CDH18: variants seen among roughly 807,000 people sequenced by gnomAD.
CDH18 encodes cadherin-18.
Under a neutral mutation model 67.9 loss-of-function variants are expected in CDH18, and 31 were observed. The observed-to-expected ratio is 0.46, with a 90% CI of 0.34 to 0.62. The LOEUF is 0.62. CDH18 is among the 20% of genes least tolerant of loss of function. The pLI, the probability that CDH18 is intolerant of heterozygous loss-of-function variation, is 0.01. For synonymous variants in CDH18, 362 were observed against 347.2 expected, an observed-to-expected ratio of 1.04 and a Z score of -0.48; for missense variants, 890 against 975.5, an observed-to-expected ratio of 0.91 and a Z score of 1.17.
chr5:19,878,978 A>C (rs956839684), intron 2 of CDH18, among the ~76,000 whole-genome samples: 2 of 152,004 alleles, frequency 1.3e-5, no homozygotes, highest in African/African-American at 4.8e-5. Flanking sequence ...CTTATTACTA[A>C]GAATTTTTCA....
At chr5:19,590,013 T>C (rs1355956184) in intron 7 of CDH18, among the ~76,000 whole-genome samples, 1 of 152,136 alleles carries the variant, frequency 6.6e-6, no homozygotes, top group Admixed American at 6.6e-5. Context: ...TAGGAATTTA[T>C]GTGATATTTG....
intron 2 of CDH18, among the ~76,000 whole-genome samples, chr5:20,234,099 G>A (rs1253442372): frequency 6.6e-6 from 1 of 152,132 alleles, no homozygotes; most frequent in Non-Finnish European, 1.5e-5. Flanking sequence ...ATATTTTCAA[G>A]TGAGGCAGTC....
At chr5:20,141,758 C>T (rs1750258075) in intron 2 of CDH18, among the ~76,000 whole-genome samples, 1 of 151,828 alleles carries the variant, frequency 6.6e-6, no homozygotes, top group Admixed American at 6.6e-5. Context: ...AAATAAAAGT[C>T]AGATAACATC....
At chr5:19,601,869 C>T (rs1747190578) in intron 6 of CDH18, among the ~76,000 whole-genome samples, 1 of 151,582 alleles carries the variant, frequency 6.6e-6, no homozygotes, top group Non-Finnish European at 1.5e-5. Context: ...GTCAATTCTA[C>T]AGAAAAAGCA....
At chr5:19,708,287 C>G (rs891583708) in intron 5 of CDH18, among the ~76,000 whole-genome samples, 2 of 152,156 alleles carry the variant, frequency 1.3e-5, no homozygotes, top group African/African-American at 4.8e-5. Flanking sequence ...GCTATTAACC[C>G]ATTTAAATGG....
chr5:19,732,507 AAAAT>A lies in CDH18; in HGVS notation c.524-11045_524-11042del, dbSNP rs760055125. ...TGACAGAGTGAGACCTTGTCTCAAAAAAATAAATAAATAAATAAAATAAATTGTG... is the reference window on the plus strand; with the variant it reads ...TGACAGAGTGAGACCTTGTCTCAAAAAAATAAATAAATAAAATAAATTGTG... On this transcript the variant is annotated intron_variant, in intron 4 of 12. Transcript: ENST00000382275. 1.8e-4 allele frequency among the ~76,000 whole-genome samples: 27 copies of A among 152,278 alleles called. 1 individual carries two copies. The highest frequency in any genetic ancestry group is 4.6e-4 in the Admixed American group (7 of 15,282).
chr5:20,318,790 G>A (rs1228787585), intron 1 of CDH18, among the ~76,000 whole-genome samples: 1 of 151,952 alleles, frequency 6.6e-6, no homozygotes, highest in East Asian at 1.9e-4. Flanking sequence ...TAAGTTCTAG[G>A]GTACATATGC....
chr5:19,564,231 TGA>T (rs1739968586), intron 8 of CDH18, among the ~76,000 whole-genome samples: 1 of 152,120 alleles, frequency 6.6e-6, no homozygotes, highest in Non-Finnish European at 1.5e-5. Flanking sequence ...GGTGACATAG[TGA>T]GAAGCCAGCT....
At chr5:20,335,251 TC>T (rs1286616109) in intron 1 of CDH18, among the ~76,000 whole-genome samples, 1 of 152,070 alleles carries the variant, frequency 6.6e-6, no homozygotes, top group Non-Finnish European at 1.5e-5. Context: ...AAGTCTCTAT[TC>T]CCCCAGGACT....
At chr5:19,999,616 A>T (rs1161101397) in intron 2 of CDH18, among the ~76,000 whole-genome samples, 1 of 152,122 alleles carries the variant, frequency 6.6e-6, no homozygotes, top group Non-Finnish European at 1.5e-5. Context: ...AATAATAATA[A>T]TATTAGTAAT....
chr5:19,994,203 A>G (rs1317580934), intron 2 of CDH18, among the ~76,000 whole-genome samples: 1 of 152,028 alleles, frequency 6.6e-6, no homozygotes, highest in Non-Finnish European at 1.5e-5. Context: ...TGGGGTGTAT[A>G]TCTATATGTG....
At chr5:20,296,771 A>G (rs1386767292) in intron 1 of CDH18, among the ~76,000 whole-genome samples, 1 of 151,832 alleles carries the variant, frequency 6.6e-6, no homozygotes, top group Non-Finnish European at 1.5e-5. Context: ...TTTGAACCTG[A>G]TATATAATTC....
intron 2 of CDH18, among the ~76,000 whole-genome samples, chr5:20,153,417 C>T (rs1448803097): frequency 6.6e-6 from 1 of 152,104 alleles, no homozygotes; most frequent in African/African-American, 2.4e-5. Flanking sequence ...ACTTTCGTTT[C>T]ACAATCACTT....
intron 11 of CDH18, among the ~76,000 whole-genome samples, chr5:19,495,110 G>A (rs1358964579): frequency 6.6e-6 from 1 of 152,164 alleles, no homozygotes; most frequent in Non-Finnish European, 1.5e-5. Context: ...GAGAAACAGG[G>A]AATATTGGTT....
intron 1 of CDH18, among the ~76,000 whole-genome samples, chr5:20,280,457 T>C (rs1443258056): frequency 6.6e-6 from 1 of 152,076 alleles, no homozygotes; most frequent in Non-Finnish European, 1.5e-5. Flanking sequence ...GAACATGCGG[T>C]GTTTGCTTTT....
chr5:19,920,357 G>T (rs1792294907), intron 2 of CDH18, among the ~76,000 whole-genome samples: 1 of 152,040 alleles, frequency 6.6e-6, no homozygotes, highest in Non-Finnish European at 1.5e-5. Context: ...TTGAAAACTG[G>T]ATATGAACAG....
rs1176110239 is a variant in CDH18 at position 20,501,516 on chromosome 5, T to C, written c.-580+73946A>G. On this transcript the variant is annotated intron_variant, in intron 1 of 14. Transcript: ENST00000507958. ...TTTTATATACATATTTTATATATATTATATACATATTATATATATTATATA... is the reference window on the plus strand; with the variant it reads ...TTTTATATACATATTTTATATATATCATATACATATTATATATATTATATA... 2.5e-5 allele frequency among the ~76,000 whole-genome samples: 3 copies of C among 122,328 alleles called. No homozygotes were observed. The Admixed American group carries it at 3.1e-4, about 13-fold the overall frequency. 80.3% of individuals were successfully genotyped at this position (122,328 alleles called of 152,430 possible).
At chr5:20,142,925 A>G (rs1016796891) in intron 2 of CDH18, among the ~76,000 whole-genome samples, 3 of 152,244 alleles carry the variant, frequency 2.0e-5, no homozygotes, top group African/African-American at 7.2e-5. Flanking sequence ...CTAGCAAACC[A>G]ATACAGATTT....
chr5:20,060,575 T>C (rs966846751), intron 2 of CDH18, among the ~76,000 whole-genome samples: 1 of 152,136 alleles, frequency 6.6e-6, no homozygotes, highest in African/African-American at 2.4e-5. Context: ...CACACTAACT[T>C]TGAAATTGAA....
Sources: allele counts gnomAD v4.1 joint callset (sites outside exome capture counted in the v4.1 genomes callset), GRCh38; gene constraint gnomAD v4.1.1; transcripts MANE v1.5; gene names NCBI Gene and HGNC (gene_info 2026-07-23, HGNC 2026-07-21).